PTBP3: variants seen among roughly 807,000 people sequenced by gnomAD.
PTBP3 encodes polypyrimidine tract binding protein 3.
A neutral mutation model predicts 58.7 loss-of-function variants in PTBP3; 20 were observed. The observed-to-expected ratio is 0.34, with a 90% CI of 0.24 to 0.50. The LOEUF is 0.50. Among genes scored for constraint, PTBP3 ranks in the 20% least tolerant of loss-of-function variants. PTBP3 has a pLI of 0.98. For synonymous variants in PTBP3, 185 were observed against 219.8 expected, an observed-to-expected ratio of 0.84 and a Z score of 1.40; for missense variants, 509 against 637.2, an observed-to-expected ratio of 0.80 and a Z score of 2.17.
the PTBP3 span, among the ~76,000 whole-genome samples, chr9:112,364,948 C>T: frequency 2.0e-5 from 3 of 152,142 alleles, no homozygotes; most frequent in African/African-American, 7.2e-5. Context: ...ATTCCTCCAC[C>T]CCCACCACAA....
intron 5 of PTBP3, among the ~76,000 whole-genome samples, chr9:112,261,590 T>G (rs1198541540): frequency 6.6e-6 from 1 of 152,326 alleles, no homozygotes; most frequent in South Asian, 2.1e-4. Context: ...TATTTTAATA[T>G]GTGGGCTAAG....
the PTBP3 span, among the ~76,000 whole-genome samples, chr9:112,353,212 T>G: frequency 3.3e-5 from 5 of 151,324 alleles, no homozygotes; most frequent in African/African-American, 1.2e-4. Flanking sequence ...ATGACTTTCA[T>G]TAAAATATTT....
chr9:112,224,878 G>A (rs1469772623), intron 12 of PTBP3, among the ~76,000 whole-genome samples: 1 of 152,180 alleles, frequency 6.6e-6, no homozygotes, highest in Non-Finnish European at 1.5e-5. Context: ...ACAAGGAACT[G>A]GGGCCTTCGG....
At chr9:112,329,387 GC>G (rs1383118828) in intron 1 of PTBP3, among the ~76,000 whole-genome samples, 1 of 148,958 alleles carries the variant, frequency 6.7e-6, no homozygotes, top group Non-Finnish European at 1.5e-5. Context: ...CTGTTCCCCA[GC>G]CTGGGCAACA....
At chr9:112,324,660 T>A (rs562604067) in intron 1 of PTBP3, among the ~76,000 whole-genome samples, 3 of 136,850 alleles carry the variant, frequency 2.2e-5, no homozygotes, top group East Asian at 2.3e-4. Context: ...TTTTTTTTTT[T>A]TAAAAAAAAA....
At chr9:112,272,388 A>G (rs972378196) in intron 3 of PTBP3, among the ~76,000 whole-genome samples, 1 of 152,188 alleles carries the variant, frequency 6.6e-6, no homozygotes. Flanking sequence ...TTTAATGATT[A>G]GTTATAAACT....
At position 112,221,821 on chromosome 9, in the gene PTBP3, C is replaced by CT; in HGVS notation, c.*2029dup. Reference sequence around the variant, plus strand: ...CAATCTGTATCATCTCTTGCAGTCTCTATTTTTTGGTAAAATTTCTTCTGT... The same window carrying CT: ...CAATCTGTATCATCTCTTGCAGTCTCTTATTTTTTGGTAAAATTTCTTCTGT... On this transcript the variant is annotated 3_prime_UTR_variant, in exon 14 of 14. Transcript: ENST00000374257. 1.0e-6 allele frequency: 1 copy of CT among 985,042 alleles called. No individual in the cohort carries two copies. Among genetic ancestry groups the CT allele is most frequent in the Middle Eastern group, 5.2e-4 (1 of 1,914 alleles). 61.0% of individuals were successfully genotyped at this position (985,042 alleles called of 1,614,324 possible).
At chr9:112,367,716 A>C in the PTBP3 span, among the ~76,000 whole-genome samples, 1 of 152,120 alleles carries the variant, frequency 6.6e-6, no homozygotes, top group African/African-American at 2.4e-5. Flanking sequence ...TGCTGCTTTC[A>C]AAATTCTTTC....
the PTBP3 span, among the ~76,000 whole-genome samples, chr9:112,354,843 T>C: frequency 0.38 from 57,608 of 152,052 alleles, 12,668 homozygotes; most frequent in Middle Eastern, 0.52. Context: ...GAGCTGACAT[T>C]GTTCTGCAAA....
intron 1 of PTBP3, among the ~76,000 whole-genome samples, chr9:112,313,933 A>G (rs962787916): frequency 2.6e-5 from 4 of 152,170 alleles, no homozygotes; most frequent in Non-Finnish European, 5.9e-5. Flanking sequence ...AACATTTGGG[A>G]AAAAAAGTTC....
chr9:112,342,711 G>A, the PTBP3 span, among the ~76,000 whole-genome samples: 45 of 143,016 alleles, frequency 3.1e-4, no homozygotes, highest in Non-Finnish European at 5.0e-4. Context: ...GCGAGACTCC[G>A]TCTCAAGAAA....
At chr9:112,247,802 T>C (rs1835948219) in intron 7 of PTBP3, among the ~76,000 whole-genome samples, 1 of 152,188 alleles carries the variant, frequency 6.6e-6, no homozygotes. Flanking sequence ...ATGTCCTTGC[T>C]CTTAGTAAAT....
chr9:112,293,586 T>C (rs1828539579), intron 2 of PTBP3, among the ~76,000 whole-genome samples: 1 of 152,170 alleles, frequency 6.6e-6, no homozygotes, highest in South Asian at 2.1e-4. Flanking sequence ...CTCGCCCCCT[T>C]GAAGCTGGTG....
intron 2 of PTBP3, among the ~76,000 whole-genome samples, chr9:112,292,537 C>T (rs995557813): frequency 8.5e-5 from 13 of 152,130 alleles, no homozygotes; most frequent in Non-Finnish European, 1.5e-4. Context: ...AACCTAAATG[C>T]CCATGGACAG....
chr9:112,310,961 T>C (rs1262661149), intron 1 of PTBP3, among the ~76,000 whole-genome samples: 1 of 152,204 alleles, frequency 6.6e-6, no homozygotes, highest in Non-Finnish European at 1.5e-5. Context: ...AGAGAAGGTG[T>C]GTCATAGCAT....
Position 112,251,079 on chromosome 9 carries a change from T to C in PTBP3, c.652A>G (p.Asn218Asp), listed in dbSNP as rs577466135. The C allele has an allele frequency of 1.3e-6, 2 of 1,599,598 alleles. No homozygotes were observed. Among genetic ancestry groups the C allele is most frequent in the East Asian group, 4.5e-5 (2 of 44,050 alleles). Residue 218 changes from asparagine (N) to aspartate (D), a missense_variant, in exon 7 of 14, where the codon AAT (asparagine) becomes GAT (aspartate). Transcript: ENST00000374257. Reference sequence around the variant, plus strand: ...TCAATGCGCAGAGTGCAGCATGCATTATAGATATTCTGGCCATCCAGAGCC... The same window carrying C: ...TCAATGCGCAGAGTGCAGCATGCATCATAGATATTCTGGCCATCCAGAGCC... The part of the protein sequence containing the change: ...KMALDGQNIY[N>D]ACCTLRIDFS...
chr9:112,245,606 A>C (rs908603934), intron 7 of PTBP3, among the ~76,000 whole-genome samples: 1 of 152,158 alleles, frequency 6.6e-6, no homozygotes, highest in Admixed American at 6.5e-5. Flanking sequence ...GAGCACATCT[A>C]ATGTTTAGGT....
chr9:112,375,618 G>A, the PTBP3 span, among the ~76,000 whole-genome samples: 13 of 152,142 alleles, frequency 8.5e-5, no homozygotes, highest in Non-Finnish European at 2.9e-5. Context: ...AAGAAGGCAG[G>A]GTGGCACGAG....
intron 3 of PTBP3, among the ~76,000 whole-genome samples, chr9:112,274,087 G>A (rs1420373362): frequency 1.3e-5 from 2 of 152,098 alleles, no homozygotes; most frequent in Non-Finnish European, 2.9e-5. Flanking sequence ...TTAAAATAAC[G>A]ATCTAACTGG....
Sources: gnomAD v4.1 joint callset for allele counts (sites outside exome capture counted in the v4.1 genomes callset) on GRCh38, gnomAD v4.1.1 for gene constraint, MANE v1.5 for transcripts, NCBI Gene and HGNC (gene_info 2026-07-23, HGNC 2026-07-21) for gene names.